STUM: variants seen among roughly 807,000 people sequenced by gnomAD.
STUM encodes protein stum homolog.
Under a neutral mutation model 15.3 loss-of-function variants are expected in STUM, and 8 were observed. The ratio of observed to expected loss-of-function variants is 0.52; its 90% CI spans 0.31 to 0.94. The LOEUF (loss-of-function observed/expected upper bound fraction) is 0.94, where lower values mean the gene tolerates loss of function less well. Among genes scored for constraint, STUM ranks in the 40% least tolerant of loss-of-function variants. The pLI is 0.05. For synonymous variants in STUM, 78 were observed against 88.7 expected (o/e 0.88, Z 0.68); for missense variants, 142 against 204.9 (o/e 0.69, Z 1.87).
At chr1:226,595,672 A>T (rs146816649) in intron 1 of STUM, among the ~76,000 whole-genome samples, 1 of 152,356 alleles carries the variant, frequency 6.6e-6, no homozygotes, top group East Asian at 1.9e-4. Context: ...GAATGCTATC[A>T]CAAGGGTCCT....
At chr1:226,575,892 G>T (rs1301147208) in intron 1 of STUM, among the ~76,000 whole-genome samples, 1 of 152,230 alleles carries the variant, frequency 6.6e-6, no homozygotes, top group African/African-American at 2.4e-5. Context: ...GCCTGCGTTG[G>T]CATCAGGCCA....
chr1:226,558,767 C>T (rs962969790), intron 1 of STUM, among the ~76,000 whole-genome samples: 4 of 152,172 alleles, frequency 2.6e-5, no homozygotes, highest in Non-Finnish European at 5.9e-5. Context: ...ATTAGAGCAT[C>T]GTTAATTTCT....
intron 1 of STUM, among the ~76,000 whole-genome samples, chr1:226,590,889 C>T (rs746475298): frequency 4.6e-5 from 7 of 152,338 alleles, no homozygotes; most frequent in Middle Eastern, 3.4e-3. Context: ...TTTCCTGCTA[C>T]GGCCAAACAG....
chr1:226,601,350 C>T (rs1386931353), intron 3 of STUM, among the ~76,000 whole-genome samples: 2 of 152,180 alleles, frequency 1.3e-5, no homozygotes, highest in Non-Finnish European at 2.9e-5. Flanking sequence ...TGGTCTCAAT[C>T]TCCTGACATA....
intron 1 of STUM, among the ~76,000 whole-genome samples, chr1:226,575,598 A>ACGGGGCAAAGGCCCAGGC (rs1420683057): frequency 1.3e-5 from 2 of 152,172 alleles, no homozygotes; most frequent in Non-Finnish European, 2.9e-5. Context: ...TGGGGAGAAG[A>ACGGGGCAAAGGCCCAGGC]CGGGGCAAAG....
At position 226,548,789 on chromosome 1, in the gene STUM, G is replaced by T; in HGVS notation, c.-116G>T. 2.3e-6 allele frequency: 2 copies of T among 859,146 alleles called. No individual in the cohort carries two copies. Among genetic ancestry groups the T allele is most frequent in the Non-Finnish European group, 3.0e-6 (2 of 657,846 alleles). 53.2% of individuals were successfully genotyped at this position (859,146 alleles called of 1,614,324 possible). The stretch of plus-strand genomic sequence containing the variant: ...GCGAGCCGCGCGGCGCACGGAGCAC[G>T]GCGGCCGCCTGAGCTCGGCGCGGAG... On this transcript the variant is annotated 5_prime_UTR_variant, in exon 1 of 4. Coordinates refer to ENST00000366788, the MANE Select transcript of STUM (RefSeq NM_001003665.4).
chr1:226,583,912 T>C (rs886895746), intron 1 of STUM, among the ~76,000 whole-genome samples: 1 of 152,214 alleles, frequency 6.6e-6, no homozygotes, highest in Non-Finnish European at 1.5e-5. Flanking sequence ...CCACTTCTTC[T>C]ATTCTTCTTC....
chr1:226,567,312 G>A lies in STUM; in HGVS notation c.202+18206G>A, dbSNP rs373374085. ...CGGGCTCTTTTCTCAAACCAGATTC[G>A]TTCAAAAAGCCCATTTACCACACTA... is the stretch of plus-strand genomic sequence containing the variant. On this transcript the variant is annotated intron_variant, in intron 1 of 3. Transcript: ENST00000366788. This position sits in a 1 kb window ranked among gnomAD's most constrained non-coding sequence, Gnocchi z 4.5. Among the ~76,000 whole-genome samples, 57 of 152,130 alleles carry A rather than the reference G, an allele frequency of 3.7e-4. No individual in the cohort carries two copies. Among genetic ancestry groups the A allele is most frequent in the Non-Finnish European group, 6.6e-4 (45 of 68,042 alleles).
intron 1 of STUM, among the ~76,000 whole-genome samples, chr1:226,596,028 C>A (rs571415606): frequency 6.6e-6 from 1 of 152,154 alleles, no homozygotes; most frequent in Non-Finnish European, 1.5e-5. Flanking sequence ...GGGCTCAGAG[C>A]CCATGTAGGA....
intron 1 of STUM, among the ~76,000 whole-genome samples, chr1:226,593,634 G>A (rs1365804457): frequency 6.6e-6 from 1 of 152,182 alleles, no homozygotes; most frequent in Non-Finnish European, 1.5e-5. Context: ...CAGAAAGGAA[G>A]CTCCAGCCAA....
chr1:226,566,738 C>T (rs1158720222), intron 1 of STUM, among the ~76,000 whole-genome samples: 1 of 152,204 alleles, frequency 6.6e-6, no homozygotes, highest in Non-Finnish European at 1.5e-5. Context: ...GCCACCATGT[C>T]ACAAAACACA....
At chr1:226,556,266 G>A (rs951227709) in intron 1 of STUM, among the ~76,000 whole-genome samples, 14 of 152,232 alleles carry the variant, frequency 9.2e-5, no homozygotes, top group South Asian at 2.1e-4. Flanking sequence ...GCCTTCAGCA[G>A]CATTTCACTC....
At chr1:226,570,043 G>GC (rs961314907) in intron 1 of STUM, among the ~76,000 whole-genome samples, 1 of 152,140 alleles carries the variant, frequency 6.6e-6, no homozygotes, top group Non-Finnish European at 1.5e-5. Context: ...CCTCAGCTCA[G>GC]CCCCCAACCT....
chr1:226,554,564 G>A (rs1317744299), intron 1 of STUM, among the ~76,000 whole-genome samples: 2 of 152,192 alleles, frequency 1.3e-5, no homozygotes, highest in African/African-American at 4.8e-5. Context: ...GGTGATATAA[G>A]CAAGCTGGCT....
rs1249762155 is a variant in STUM at position 226,607,669 on chromosome 1, C to T, written c.*5629C>T. ...GCTACCGCAGAGGGCAGAAAGGTGC[C>T]CTGTAGCGTCCACCATGTGTGTGTC... is the stretch of plus-strand genomic sequence containing the variant. On this transcript the variant is annotated 3_prime_UTR_variant, in exon 4 of 4. Transcript: ENST00000366788. 3 of 152,246 alleles carry T rather than the reference C, an allele frequency of 2.0e-5. No homozygotes were observed. The highest frequency in any genetic ancestry group is 7.2e-5 in the African/African-American group (3 of 41,456). The allele number at this position is 152,246 out of a possible 1,614,324, so 9.4% of individuals were successfully genotyped here. A position where few individuals can be genotyped will look rare whatever the true frequency, so the allele number is the denominator to read the frequency against.
chr1:226,555,257 G>T (rs889563302), intron 1 of STUM, among the ~76,000 whole-genome samples: 1 of 152,062 alleles, frequency 6.6e-6, no homozygotes, highest in Admixed American at 6.5e-5. Flanking sequence ...GCTTTCAATC[G>T]CATTTTTATG....
rs1667646515 is a variant in STUM at position 226,567,750 on chromosome 1, G to T, written c.202+18644G>T. On this transcript the variant is annotated intron_variant, in intron 1 of 3. Transcript: ENST00000366788. This position sits in a 1 kb window ranked among gnomAD's most constrained non-coding sequence, Gnocchi z 4.5. ...GTGAGATGGATGATTCTGCCGAGGG[G>T]TCTCTAGTGAGCAGGTCACGCATTT... Among the ~76,000 whole-genome samples, 1 of 152,196 alleles carries T rather than the reference G, an allele frequency of 6.6e-6. No individual in the cohort carries two copies.
At chr1:226,579,338 T>A (rs868683841) in intron 1 of STUM, among the ~76,000 whole-genome samples, 1 of 152,184 alleles carries the variant, frequency 6.6e-6, no homozygotes, top group South Asian at 2.1e-4. Flanking sequence ...TCCCAACACA[T>A]GAGTGCAGCC....
chr1:226,559,028 G>T lies in STUM; in HGVS notation c.202+9922G>T, dbSNP rs562965811. ...ACCATATTTTCCTAATCAAAAGGTA[G>T]GACACGGGGATTCACCATGCATTTA... On this transcript the variant is annotated intron_variant, in intron 1 of 3. Coordinates refer to ENST00000366788, the MANE Select transcript of STUM (RefSeq NM_001003665.4). Among the ~76,000 whole-genome samples the T allele has an allele frequency of 2.0e-5, 3 of 152,306 alleles. No homozygotes were observed. The East Asian group carries it at 5.8e-4, about 29-fold the overall frequency.
Sources: gnomAD v4.1 joint callset for allele counts (sites outside exome capture counted in the v4.1 genomes callset) on GRCh38, gnomAD v4.1.1 for gene constraint, Gnocchi (gnomAD v3.1) non-coding constraint, MANE v1.5 for transcripts, NCBI Gene and HGNC (gene_info 2026-07-23, HGNC 2026-07-21) for gene names.